SAMD4A: variants seen among roughly 807,000 people sequenced by gnomAD.
SAMD4A encodes sterile alpha motif domain containing 4A, also known as protein Smaug homolog 1.
A neutral mutation model predicts 81.3 loss-of-function variants in SAMD4A; 33 were observed. The ratio of observed to expected loss-of-function variants is 0.41; its 90% CI spans 0.31 to 0.54. The LOEUF is 0.54. SAMD4A is among the 20% of genes least tolerant of loss of function. The pLI is 0.37. For synonymous variants in SAMD4A, 389 were observed against 382.1 expected (o/e 1.02, Z -0.21); for missense variants, 854 against 951.1 (o/e 0.90, Z 1.34).
In SAMD4A at chr14:54,568,000, G is replaced by A; in HGVS notation, c.84G>A (p.Ser28=). ...NECEQTVALL[S]LLKRVSQTQA... ...GCGAGCAGACTGTTGCGCTGCTGTC[G>A]CTGCTCAAGCGCGTGAGCCAGACCC... The change falls in exon 2 of 13, where the codon TCG becomes TCA. Residue 28 remains serine, a synonymous_variant. Coordinates refer to ENST00000554335, the MANE Select transcript of SAMD4A (RefSeq NM_015589.6). The A allele has an allele frequency of 6.2e-7, 1 of 1,608,852 alleles. No individual in the cohort carries two copies. The highest frequency in any genetic ancestry group is 2.2e-5 in the East Asian group (1 of 44,796).
chr14:54,688,346 ACTCAT>A (rs2036334145), intron 2 of SAMD4A: 1 of 985,364 alleles, frequency 1.0e-6, no homozygotes, highest in Non-Finnish European at 1.2e-6. Flanking sequence ...GCTTCTGCAG[ACTCAT>A]CTCAACTCTC....
chr14:54,600,654 C>T (rs2034028953), intron 2 of SAMD4A, among the ~76,000 whole-genome samples: 1 of 152,106 alleles, frequency 6.6e-6, no homozygotes, highest in African/African-American at 2.4e-5. Flanking sequence ...TGAGAGCTTG[C>T]TATTGAAAAA....
At chr14:54,627,615 C>G (rs2034796376) in intron 2 of SAMD4A, among the ~76,000 whole-genome samples, 1 of 152,210 alleles carries the variant, frequency 6.6e-6, no homozygotes, top group Admixed American at 6.5e-5. Context: ...CTGTTACTGC[C>G]TGGGCAGGGT....
intron 2 of SAMD4A, among the ~76,000 whole-genome samples, chr14:54,657,830 T>C (rs936312307): frequency 6.6e-6 from 1 of 152,206 alleles, no homozygotes; most frequent in African/African-American, 2.4e-5. Flanking sequence ...CTACTTTGCA[T>C]TTGTTGGGCC....
intron 2 of SAMD4A, among the ~76,000 whole-genome samples, chr14:54,628,459 C>T (rs1246053944): frequency 6.6e-6 from 1 of 152,130 alleles, no homozygotes; most frequent in Non-Finnish European, 1.5e-5. Flanking sequence ...GATGAAATTG[C>T]TGATGCTCTG....
At chr14:54,648,486 G>A (rs1338522497) in intron 2 of SAMD4A, among the ~76,000 whole-genome samples, 1 of 152,242 alleles carries the variant, frequency 6.6e-6, no homozygotes, top group Non-Finnish European at 1.5e-5. Context: ...ACACCTTGTA[G>A]ACAGAATGTG....
chr14:54,610,617 G>A (rs145809615), intron 2 of SAMD4A, among the ~76,000 whole-genome samples: 1 of 152,274 alleles, frequency 6.6e-6, no homozygotes, highest in African/African-American at 2.4e-5. Context: ...AATTTTTTAT[G>A]AGCCAAGTCA....
chr14:54,606,183 CTGTGTGTGTG>C (rs57209362), intron 2 of SAMD4A, among the ~76,000 whole-genome samples: 11 of 146,678 alleles, frequency 7.5e-5, no homozygotes, highest in East Asian at 4.0e-4. Context: ...TACTTCTGGG[CTGTGTGTGTG>C]TGTGTGTGTG....
intron 11 of SAMD4A, among the ~76,000 whole-genome samples, chr14:54,782,660 C>A (rs1198752451): frequency 6.6e-6 from 1 of 152,248 alleles, no homozygotes; most frequent in African/African-American, 2.4e-5. Flanking sequence ...AGAACACAGT[C>A]AGCTCTCTGG....
intron 5 of SAMD4A, among the ~76,000 whole-genome samples, chr14:54,749,980 A>G (rs2140972306): frequency 6.6e-6 from 1 of 152,300 alleles, no homozygotes; most frequent in Middle Eastern, 3.4e-3. Flanking sequence ...ACAAAGCCCA[A>G]AGTCACTGCA....
At chr14:54,767,233 C>T (rs1017964012) in intron 8 of SAMD4A, among the ~76,000 whole-genome samples, 6 of 152,190 alleles carry the variant, frequency 3.9e-5, no homozygotes, top group African/African-American at 1.4e-4. Context: ...TGAAGGCGCA[C>T]AGCCTCCATC....
At chr14:54,688,590 A>G (rs2036343411) in intron 2 of SAMD4A, among the ~76,000 whole-genome samples, 1 of 152,204 alleles carries the variant, frequency 6.6e-6, no homozygotes, top group South Asian at 2.1e-4. Flanking sequence ...TTAACTGGGT[A>G]GGTTGCTATG....
At chr14:54,571,822 A>G (rs969765343) in intron 2 of SAMD4A, among the ~76,000 whole-genome samples, 1 of 152,218 alleles carries the variant, frequency 6.6e-6, no homozygotes, top group Non-Finnish European at 1.5e-5. Flanking sequence ...CATATTTAGA[A>G]TGGGATGAGG....
rs368845582 is a variant in SAMD4A, at chr14:54,609,469, A to G, written c.196+41357A>G. Among the ~76,000 whole-genome samples the G allele has an allele frequency of 1.6e-4, 24 of 152,336 alleles. No homozygotes were observed. The East Asian group carries it at 2.1e-3, about 13-fold the overall frequency. On this transcript the variant is annotated intron_variant, in intron 2 of 12. Transcript: ENST00000554335. The stretch of plus-strand genomic sequence containing the variant: ...AAGATAATAAAAGTGTGTTATTTTA[A>G]GCCACTAAATTTGTGGTAATCTGTT...
intron 2 of SAMD4A, chr14:54,696,753 A>G (rs1334175992): frequency 1.3e-5 from 2 of 152,202 alleles, no homozygotes; most frequent in African/African-American, 2.4e-5. Context: ...TACTACTCCT[A>G]TGTCACTGGT....
Position 54,789,138 on chromosome 14 carries a change from T to G in SAMD4A, c.*194T>G. ...TATCAGTAGACCTGGGGTTGGTTAT[T>G]TTGTCATTTGTTTCTGTCATGGGAT... On this transcript the variant is annotated 3_prime_UTR_variant, in exon 13 of 13. Coordinates refer to ENST00000554335, the MANE Select transcript of SAMD4A (RefSeq NM_015589.6). The G allele has an allele frequency of 1.6e-6, 1 of 641,966 alleles. No individual in the cohort carries two copies. The highest frequency in any genetic ancestry group is 2.8e-6 in the Non-Finnish European group (1 of 360,114). 39.8% of individuals were successfully genotyped at this position (641,966 alleles called of 1,614,324 possible).
chr14:54,688,078 C>T (rs1360349854), intron 2 of SAMD4A: 1 of 985,418 alleles, frequency 1.0e-6, no homozygotes, highest in African/African-American at 1.7e-5. Context: ...ATCATTCCAT[C>T]AACTCACAAA....
At chr14:54,736,377 G>A (rs2037690951) in intron 3 of SAMD4A, among the ~76,000 whole-genome samples, 4 of 152,136 alleles carry the variant, frequency 2.6e-5, no homozygotes, top group Admixed American at 2.6e-4. Flanking sequence ...GAAAGAATCG[G>A]CCCTAGAAGA....
intron 2 of SAMD4A, chr14:54,696,728 T>C (rs1430139949): frequency 2.6e-5 from 4 of 152,226 alleles, no homozygotes; most frequent in Non-Finnish European, 4.4e-5. Flanking sequence ...TAATTATAGC[T>C]CTTCTAATTT....
Sources: gnomAD v4.1 joint callset for allele counts (sites outside exome capture counted in the v4.1 genomes callset) on GRCh38, gnomAD v4.1.1 for gene constraint, MANE v1.5 for transcripts, NCBI Gene and HGNC (gene_info 2026-07-23, HGNC 2026-07-21) for gene names.